FSTL4: variants seen among roughly 807,000 people sequenced by gnomAD.
FSTL4 encodes the protein follistatin-related protein 4.
FSTL4 carries 28 observed loss-of-function variants against 78.2 expected under a neutral mutation model. That is an observed-to-expected ratio of 0.36 (90% CI 0.27 to 0.49). The LOEUF is 0.49. FSTL4 is among the 20% of genes least tolerant of loss of function. The pLI, the probability that FSTL4 is intolerant of heterozygous loss-of-function variation, is 0.98. For missense variants in FSTL4, 922 were observed against 1,084.9 expected (o/e 0.85, Z 2.11); for synonymous variants, 422 against 440.5 (o/e 0.96, Z 0.53).
intron 3 of FSTL4, among the ~76,000 whole-genome samples, chr5:133,404,421 T>C (rs1580686873): frequency 6.6e-6 from 1 of 152,250 alleles, no homozygotes; most frequent in Non-Finnish European, 1.5e-5. Context: ...ACAATGGGCT[T>C]AATTTATAGT....
At chr5:133,833,382 T>C in the FSTL4 span, among the ~76,000 whole-genome samples, 1 of 152,254 alleles carries the variant, frequency 6.6e-6, no homozygotes, top group South Asian at 2.1e-4. Context: ...TTTTTTGTAG[T>C]ACCCATTGTT....
intron 3 of FSTL4, among the ~76,000 whole-genome samples, chr5:133,407,272 T>G (rs1756385208): frequency 6.6e-6 from 1 of 152,160 alleles, no homozygotes. Context: ...GCCCCTTACC[T>G]CCCACTATGA....
At chr5:133,282,211 G>T (rs1338018759) in intron 6 of FSTL4, among the ~76,000 whole-genome samples, 5 of 152,162 alleles carry the variant, frequency 3.3e-5, no homozygotes, top group South Asian at 2.1e-4. Context: ...GGAAGGTAGG[G>T]CCTGAGGAGG....
At chr5:133,692,303 G>A in the FSTL4 span, among the ~76,000 whole-genome samples, 3 of 152,292 alleles carry the variant, frequency 2.0e-5, no homozygotes, top group Admixed American at 6.5e-5. Flanking sequence ...CGAAACAGAG[G>A]CCACAAGGAT....
intron 1 of FSTL4, among the ~76,000 whole-genome samples, chr5:133,605,766 A>G (rs1357277726): frequency 1.3e-5 from 2 of 152,164 alleles, no homozygotes; most frequent in African/African-American, 4.8e-5. Context: ...TCCCACTCTT[A>G]TATCTGTTTC....
intron 3 of FSTL4, among the ~76,000 whole-genome samples, chr5:133,449,817 T>G (rs943003954): frequency 6.6e-6 from 1 of 152,178 alleles, no homozygotes; most frequent in African/African-American, 2.4e-5. Flanking sequence ...TATTGGCAAA[T>G]GCAGGAAATT....
intron 2 of FSTL4, among the ~76,000 whole-genome samples, chr5:133,576,113 G>A (rs1561474976): frequency 6.6e-6 from 1 of 152,160 alleles, no homozygotes; most frequent in South Asian, 2.1e-4. Flanking sequence ...AATATAATAT[G>A]AGTGCTGAGC....
At chr5:133,412,714 C>T (rs1756501621) in intron 3 of FSTL4, among the ~76,000 whole-genome samples, 3 of 152,030 alleles carry the variant, frequency 2.0e-5, no homozygotes, top group South Asian at 2.1e-4. Context: ...ACACAGAGAC[C>T]GTCATTAGCC....
At chr5:133,809,225 G>A in the FSTL4 span, among the ~76,000 whole-genome samples, 1 of 151,852 alleles carries the variant, frequency 6.6e-6, no homozygotes, top group Non-Finnish European at 1.5e-5. Context: ...AAATTAGCTG[G>A]GCATGGTGGT....
chr5:133,416,349 T>C (rs1299094602), intron 3 of FSTL4, among the ~76,000 whole-genome samples: 2 of 152,220 alleles, frequency 1.3e-5, no homozygotes, highest in Non-Finnish European at 2.9e-5. Flanking sequence ...AAACTCTTCT[T>C]TACAGTAAAT....
the FSTL4 span, among the ~76,000 whole-genome samples, chr5:133,724,587 T>C: frequency 6.6e-6 from 1 of 152,194 alleles, no homozygotes; most frequent in Non-Finnish European, 1.5e-5. Context: ...TGTCTCTGAG[T>C]TATTGAGTTC....
intron 3 of FSTL4, among the ~76,000 whole-genome samples, chr5:133,511,954 G>T (rs919069391): frequency 2.6e-5 from 4 of 152,102 alleles, no homozygotes; most frequent in African/African-American, 9.7e-5. Flanking sequence ...GGAGCCAAAT[G>T]CTTTGGACCA....
At chr5:133,203,620 AG>A (rs1171413226) in intron 14 of FSTL4, among the ~76,000 whole-genome samples, 1 of 152,208 alleles carries the variant, frequency 6.6e-6, no homozygotes, top group Non-Finnish European at 1.5e-5. Flanking sequence ...GTAAGCTCAT[AG>A]GAAAAAACTC....
intron 4 of FSTL4, among the ~76,000 whole-genome samples, chr5:133,372,669 G>C (rs1368222363): frequency 6.6e-6 from 1 of 152,184 alleles, no homozygotes; most frequent in Non-Finnish European, 1.5e-5. Context: ...ATCACTTATG[G>C]GGGAATGGAT....
intron 4 of FSTL4, chr5:133,387,653 T>C (rs1755732945): frequency 6.6e-6 from 1 of 152,206 alleles, no homozygotes; most frequent in East Asian, 1.9e-4. Flanking sequence ...TTAGAACCAA[T>C]AGTTCAGGCC....
At position 133,199,386 on chromosome 5, in the gene FSTL4, G is replaced by A. The variant is rs767542872; in HGVS notation, c.2238C>T (p.Ser746=). 1 of 1,614,190 alleles carries A rather than the reference G, an allele frequency of 6.2e-7. No homozygotes were observed. The highest frequency in any genetic ancestry group is 8.5e-7 in the Non-Finnish European group (1 of 1,180,024). Residue 746 remains serine (S), a synonymous_variant, in exon 16 of 16, where the codon AGC becomes AGT. Coordinates refer to ENST00000265342, the MANE Select transcript of FSTL4 (RefSeq NM_015082.2). The surrounding 1 kb of genome is among the most constrained non-coding windows in gnomAD (Gnocchi z 4.4). Reference sequence around the variant, plus strand: ...GAGCCGCGTAGATGTTGTATTGATTGCTTTCAGTGAAGGAGCGCTGGAAGG... The same window carrying A: ...GAGCCGCGTAGATGTTGTATTGATTACTTTCAGTGAAGGAGCGCTGGAAGG... ...DLAFQRSFTE[S]NQYNIYAALH...
intron 3 of FSTL4, among the ~76,000 whole-genome samples, chr5:133,525,557 CT>C (rs1262396157): frequency 6.6e-6 from 1 of 152,212 alleles, no homozygotes; most frequent in East Asian, 1.9e-4. Context: ...CTCTGTTCTC[CT>C]GAGACTGGCA....
intron 3 of FSTL4, among the ~76,000 whole-genome samples, chr5:133,442,305 C>T (rs1364719830): frequency 6.6e-6 from 1 of 152,222 alleles, no homozygotes; most frequent in Non-Finnish European, 1.5e-5. Context: ...ATTGATGACA[C>T]AGGCATCCCT....
the FSTL4 span, among the ~76,000 whole-genome samples, chr5:133,643,680 C>A: frequency 6.6e-6 from 1 of 152,202 alleles, no homozygotes; most frequent in East Asian, 1.9e-4. Flanking sequence ...ACAATAAACA[C>A]AAGAACTATG....
Sources: allele counts gnomAD v4.1 joint callset (sites outside exome capture counted in the v4.1 genomes callset), GRCh38; gene constraint gnomAD v4.1.1; non-coding constraint Gnocchi (gnomAD v3.1); transcripts MANE v1.5; gene names NCBI Gene and HGNC (gene_info 2026-07-23, HGNC 2026-07-21).